Variants in PIK3R2 observed in about 807,000 individuals in gnomAD.
PIK3R2 encodes phosphatidylinositol 3-kinase regulatory subunit beta.
In PIK3R2, 40 loss-of-function variants were observed where a neutral mutation model predicts 78.5. The observed-to-expected ratio is 0.51, with a 90% CI of 0.40 to 0.66. The LOEUF is 0.66. Among genes scored for constraint, PIK3R2 ranks in the 30% least tolerant of loss-of-function variants. The pLI is 0.00. For missense variants in PIK3R2, 880 were observed against 1,026.6 expected (o/e 0.86, Z 1.95); for synonymous variants, 473 against 457.7 (o/e 1.03, Z -0.43).
rs1048575803 is a variant in PIK3R2, at chr19:18,161,790, C to A, written c.816-176C>A. 6.6e-6 allele frequency among the ~76,000 whole-genome samples: 1 copy of A among 152,228 alleles called. No homozygotes were observed. Among genetic ancestry groups the A allele is most frequent in the African/African-American group, 2.4e-5 (1 of 41,460 alleles). On this transcript the variant is annotated intron_variant, in intron 6 of 15. Transcript: ENST00000222254. The surrounding 1 kb of genome is among the most constrained non-coding windows in gnomAD (Gnocchi z 5.3). Reference sequence around the variant, plus strand: ...TGTGTGAGAATCTATGGAGCACTTACTGCATACAGCTATGAGGGAGCTGGC... The same window carrying A: ...TGTGTGAGAATCTATGGAGCACTTAATGCATACAGCTATGAGGGAGCTGGC...
chr19:18,157,996 G>A (rs942681776), intron 2 of PIK3R2, among the ~76,000 whole-genome samples: 2 of 152,222 alleles, frequency 1.3e-5, no homozygotes, highest in Non-Finnish European at 1.5e-5. Context: ...GCCGGCACCC[G>A]CTAGGAGGGG....
intron 2 of PIK3R2, among the ~76,000 whole-genome samples, chr19:18,160,229 G>T (rs567789286): frequency 1.3e-5 from 2 of 152,346 alleles, no homozygotes; most frequent in Admixed American, 1.3e-4. Context: ...CACCTAGTCT[G>T]TGAAGTTGTG....
intron 2 of PIK3R2, among the ~76,000 whole-genome samples, chr19:18,158,473 A>T (rs987379925): frequency 6.8e-6 from 1 of 146,166 alleles, no homozygotes; most frequent in African/African-American, 2.5e-5. Flanking sequence ...CCTGGGTGAC[A>T]GAGCAAGACT....
chr19:18,161,500 G>T lies in PIK3R2; in HGVS notation c.815+5G>T. On this transcript the variant is annotated splice_donor_5th_base_variant and intron_variant, in intron 6 of 15. Coordinates refer to ENST00000222254, the MANE Select transcript of PIK3R2 (RefSeq NM_005027.4). The surrounding 1 kb of genome is among the most constrained non-coding windows in gnomAD (Gnocchi z 5.3). ...GCCAGGGGGCGCTCCCGACGGGTGA[G>T]GGGCGGGGCGGAGCCGGAGCGAGCA... The T allele has an allele frequency of 9.6e-7, 1 of 1,047,038 alleles. No homozygotes were observed. The highest frequency in any genetic ancestry group is 4.6e-5 in the South Asian group (1 of 21,862). The allele number at this position is 1,047,038 out of a possible 1,614,324, so 64.9% of individuals were successfully genotyped here. A position where few individuals can be genotyped will look rare whatever the true frequency, so the allele number is the denominator to read the frequency against.
chr19:18,153,761 G>T (rs1486895114), intron 1 of PIK3R2, among the ~76,000 whole-genome samples: 1 of 152,140 alleles, frequency 6.6e-6, no homozygotes, highest in Non-Finnish European at 1.5e-5. Flanking sequence ...AGCCCTGCCT[G>T]CCCCGCCCCT....
chr19:18,167,167 G>T lies in PIK3R2; in HGVS notation c.1597G>T (p.Ala533Ser), dbSNP rs1384046345. Residue 533 changes from alanine (A) to serine (S), a missense_variant, in exon 13 of 16, where the codon GCC (alanine) becomes TCC (serine). By Grantham distance (99) the Ala-to-Ser change is moderately conservative. Coordinates refer to ENST00000222254, the MANE Select transcript of PIK3R2 (RefSeq NM_005027.4). This position sits in a 1 kb window ranked among gnomAD's most constrained non-coding sequence, Gnocchi z 4.5. ...CTCCGAGCGGCTCAAGTCCCGCATT[G>T]CCGAGATCCATGAGAGCCGCACGAA... ...LNSERLKSRI[A>S]EIHESRTKLE... 6.2e-7 allele frequency: 1 copy of T among 1,607,638 alleles called. No homozygotes were observed. The highest frequency in any genetic ancestry group is 1.7e-5 in the Admixed American group (1 of 58,962).
intron 9 of PIK3R2, 59 bp downstream of exon 9, chr19:18,162,565 C>A: frequency 7.0e-7 from 1 of 1,423,476 alleles, no homozygotes. Flanking sequence ...ACCGGGAGTT[C>A]AGAGGGGATA....
chr19:18,157,792 G>A lies in PIK3R2; in HGVS notation c.322+1591G>A, dbSNP rs114420160. ...GCTGGGCCTTTCTCCAGCTTGAGGC[G>A]CCACCTGGCCCATCACTCAGGGAGG... On this transcript the variant is annotated intron_variant, in intron 2 of 15. Transcript: ENST00000222254. Among the ~76,000 whole-genome samples the A allele has an allele frequency of 2.9e-3, 427 of 149,408 alleles. 2 individuals are homozygous for A. The highest frequency in any genetic ancestry group is 9.5e-3 in the African/African-American group (384 of 40,386).
chr19:18,166,117 T>C (rs1158228821), intron 11 of PIK3R2, 43 bp from the exon 12 acceptor site: 2 of 1,612,756 alleles, frequency 1.2e-6, no homozygotes, highest in Non-Finnish European at 1.7e-6. Flanking sequence ...CGAGGGCCTT[T>C]TGGGGAGTCC....
rs1166148208 is a variant in PIK3R2 at position 18,169,566 on chromosome 19, G to A, written c.*272G>A. 1 of 307,770 alleles carries A rather than the reference G, an allele frequency of 3.2e-6. No homozygotes were observed. The highest frequency in any genetic ancestry group is 6.0e-6 in the Non-Finnish European group (1 of 166,114). The allele number at this position is 307,770 out of a possible 1,614,324, so 19.1% of individuals were successfully genotyped here. A position where few individuals can be genotyped will look rare whatever the true frequency, so the allele number is the denominator to read the frequency against. ...CCCACCCCATATCTACGTGTCCTCC[G>A]GGCATTGCCCTCTCCATGGCTCTGG... is the stretch of plus-strand genomic sequence containing the variant. On this transcript the variant is annotated 3_prime_UTR_variant, in exon 16 of 16. Coordinates refer to ENST00000222254, the MANE Select transcript of PIK3R2 (RefSeq NM_005027.4).
chr19:18,166,400 C>A, intron 12 of PIK3R2, 98 bp downstream of exon 12: 4 of 968,214 alleles, frequency 4.1e-6, no homozygotes, highest in Non-Finnish European at 6.3e-6. Flanking sequence ...CACTTGGAGG[C>A]AAAGAGTAGT....
intron 1 of PIK3R2, among the ~76,000 whole-genome samples, chr19:18,154,623 C>G (rs1476316964): frequency 6.6e-6 from 1 of 152,146 alleles, no homozygotes; most frequent in Non-Finnish European, 1.5e-5. Flanking sequence ...TCCTCCCTGC[C>G]CTAGGTATCT....
At chr19:18,160,385 C>A in intron 2 of PIK3R2, 86 bp from the exon 3 acceptor site, 6 of 843,326 alleles carry the variant, frequency 7.1e-6, no homozygotes. Context: ...TCAAACTGCC[C>A]CAGCTGAGGT....
chr19:18,166,408 A>G, intron 12 of PIK3R2, 106 bp downstream of exon 12: 1 of 924,432 alleles, frequency 1.1e-6, no homozygotes. Context: ...GGCAAAGAGT[A>G]GTCTGTTGAA....
Position 18,160,974 on chromosome 19 carries a change from A to G in PIK3R2, c.466+5A>G. On this transcript the variant is annotated splice_donor_5th_base_variant and intron_variant, in intron 4 of 15. Coordinates refer to ENST00000222254, the MANE Select transcript of PIK3R2 (RefSeq NM_005027.4). ...AGCTGCCCGCACCGCGTACAGGTGA[A>G]GGGGAGCCTCAATGGGGTTGGGAGG... The G allele has an allele frequency of 6.2e-7, 1 of 1,612,804 alleles. No homozygotes were observed. Among genetic ancestry groups the G allele is most frequent in the Non-Finnish European group, 8.5e-7 (1 of 1,179,748 alleles).
rs28730848 is a variant in PIK3R2 at position 18,162,203 on chromosome 19, G to C, written c.903G>C (p.Ala301=). The C allele has an allele frequency of 7.7e-6, 12 of 1,550,296 alleles. No homozygotes were observed. In the Admixed American group the frequency reaches 8.4e-5, roughly 11 times the overall value. The change falls in exon 8 of 16, where the codon GCG becomes GCC. Residue 301 remains alanine, a splice_region_variant and synonymous_variant. Coordinates refer to ENST00000222254, the MANE Select transcript of PIK3R2 (RefSeq NM_005027.4). ...HLEEQEVAPP[A]LPPKPPKAKP... is the part of the protein sequence containing the mutation. Reference sequence around the variant, plus strand: ...TGCATTTGTTTTCCTGTCCCCCAGCGCTGCCGCCTAAACCCCCCAAGGCAA... The same window carrying C: ...TGCATTTGTTTTCCTGTCCCCCAGCCCTGCCGCCTAAACCCCCCAAGGCAA...
chr19:18,169,324 C>T lies in PIK3R2; in HGVS notation c.*30C>T, dbSNP rs1027278365. ...CGAGGACCCGCCCCAAGCAGAGCCG[C>T]CCCTGGGCCCGTCTGCGCCGGAGGC... On this transcript the variant is annotated 3_prime_UTR_variant, in exon 16 of 16. Transcript: ENST00000222254. The T allele has an allele frequency of 7.6e-7, 1 of 1,313,094 alleles. No individual in the cohort carries two copies. Among genetic ancestry groups the T allele is most frequent in the Non-Finnish European group, 9.7e-7 (1 of 1,026,450 alleles). The allele number at this position is 1,313,094 out of a possible 1,614,324, so 81.3% of individuals were successfully genotyped here.
intron 7 of PIK3R2, 44 bp from the exon 8 acceptor site, chr19:18,162,158 T>A: frequency 7.1e-7 from 1 of 1,416,252 alleles, no homozygotes; most frequent in Non-Finnish European, 1.0e-6. Context: ...GCAGCCACAG[T>A]ATACAGTCGG....
In PIK3R2 at chr19:18,168,774, A is replaced by C. The variant is rs1396135468; in HGVS notation, c.1857A>C (p.Glu619Asp). The C allele has an allele frequency of 6.2e-7, 1 of 1,613,850 alleles. No homozygotes were observed. Among genetic ancestry groups the C allele is most frequent in the East Asian group, 2.2e-5 (1 of 44,864 alleles). Residue 619 changes from glutamate to aspartate, a missense_variant, in exon 15 of 16, where the codon GAA (glutamate) becomes GAC (aspartate). Glu to Asp is a conservative substitution (Grantham distance 45). Transcript: ENST00000222254. This position sits in a 1 kb window ranked among gnomAD's most constrained non-coding sequence, Gnocchi z 4.1. ...EDEDDLPHHE[E>D]RTWYVGKINR... Reference sequence around the variant, plus strand: ...AGGACGATCTCCCGCACCACGAGGAACGCACTTGGTACGTGGGCAAGATCA... The same window carrying C: ...AGGACGATCTCCCGCACCACGAGGACCGCACTTGGTACGTGGGCAAGATCA...
Sources: allele counts gnomAD v4.1 joint callset (sites outside exome capture counted in the v4.1 genomes callset), GRCh38; gene constraint gnomAD v4.1.1; non-coding constraint Gnocchi (gnomAD v3.1); transcripts MANE v1.5; gene names NCBI Gene and HGNC (gene_info 2026-07-23, HGNC 2026-07-21).